The following XKR9 variants were observed in gnomAD, a reference collection of about 807,000 sequenced individuals.
XKR9 encodes XK-related protein 9.
Under a neutral mutation model 32.0 loss-of-function variants are expected in XKR9, and 32 were observed. That is an observed-to-expected ratio of 1.00 (90% CI 0.76 to 1.34). XKR9 has a LOEUF of 1.34. XKR9 is among the 40% of genes most tolerant of loss of function. XKR9 has a pLI of 0.00. For missense variants in XKR9, 546 were observed against 429.7 expected, an observed-to-expected ratio of 1.27 and a Z score of -2.39; for synonymous variants, 168 against 143.4, an observed-to-expected ratio of 1.17 and a Z score of -1.22.
At chr8:70,695,908 T>A (rs1313671751) in intron 3 of XKR9, among the ~76,000 whole-genome samples, 6 of 151,848 alleles carry the variant, frequency 4.0e-5, no homozygotes, top group Non-Finnish European at 5.9e-5. Flanking sequence ...TGGTTTTGAT[T>A]TGCATTTCTC....
chr8:70,962,573 G>A, the XKR9 span, among the ~76,000 whole-genome samples: 9 of 152,274 alleles, frequency 5.9e-5, no homozygotes, highest in South Asian at 1.2e-3. Flanking sequence ...ATTCCACGGT[G>A]TATACTTACC....
At chr8:71,009,738 A>T in the XKR9 span, among the ~76,000 whole-genome samples, 15 of 152,206 alleles carry the variant, frequency 9.9e-5, no homozygotes, top group African/African-American at 3.6e-4. Flanking sequence ...TGCCATTGAC[A>T]CTTCCCATTC....
chr8:70,740,948 G>A (rs533714254), intron 2 of XKR9, among the ~76,000 whole-genome samples: 38 of 152,200 alleles, frequency 2.5e-4, no homozygotes, highest in Non-Finnish European at 3.8e-4. Context: ...CAGTCTGCCC[G>A]TTCTGAGATC....
chr8:70,721,087 T>C (rs1806263807), intron 4 of XKR9, among the ~76,000 whole-genome samples: 1 of 152,212 alleles, frequency 6.6e-6, no homozygotes, highest in Non-Finnish European at 1.5e-5. Flanking sequence ...TTTATTTGCA[T>C]AGAGGTGTTT....
chr8:71,004,065 C>T, the XKR9 span, among the ~76,000 whole-genome samples: 3,279 of 152,132 alleles, frequency 0.022, 75 homozygotes, highest in East Asian at 0.076. Flanking sequence ...GCATGGCCCT[C>T]GAAGGAGGGT....
intron 4 of XKR9, among the ~76,000 whole-genome samples, chr8:70,710,078 G>A (rs1805859118): frequency 6.6e-6 from 1 of 152,070 alleles, no homozygotes; most frequent in South Asian, 2.1e-4. Flanking sequence ...GCATGATAGT[G>A]GTATAAAAAC....
the XKR9 span, among the ~76,000 whole-genome samples, chr8:70,874,964 C>A: frequency 6.6e-6 from 1 of 152,018 alleles, no homozygotes; most frequent in African/African-American, 2.4e-5. Context: ...GTCACATGCT[C>A]GTCCTTGGAA....
Position 70,680,913 on chromosome 8 carries a change from ATATT to A in XKR9, c.-141_-138del. 2 of 710,902 alleles carry A rather than the reference ATATT, an allele frequency of 2.8e-6. No homozygotes were observed. Among genetic ancestry groups the A allele is most frequent in the South Asian group, 4.9e-5 (2 of 40,456 alleles). The allele number at this position is 710,902 out of a possible 1,614,324, so 44.0% of individuals were successfully genotyped here. A position where few individuals can be genotyped will look rare whatever the true frequency, so the allele number is the denominator to read the frequency against. On this transcript the variant is annotated 5_prime_UTR_variant, in exon 3 of 5. Coordinates refer to ENST00000408926, the MANE Select transcript of XKR9 (RefSeq NM_001011720.2). ...TTAGTGTTAGTGTTCCCATTTCATA[ATATT>A]TATTCTTTCTTCTAAATAGATTTAG... is the stretch of plus-strand genomic sequence containing the variant.
Position 70,700,685 on chromosome 8 carries a change from G to A in XKR9, c.273-6248G>A, listed in dbSNP as rs574849692. On this transcript the variant is annotated intron_variant, in intron 3 of 4. Coordinates refer to ENST00000408926, the MANE Select transcript of XKR9 (RefSeq NM_001011720.2). ...TGCCCGTTCTGAGATCTCCAGCTGC[G>A]TGCTGGGAGAACCACTGCTCTCTTC... 1.8e-4 allele frequency among the ~76,000 whole-genome samples: 27 copies of A among 152,292 alleles called. No homozygotes were observed. The South Asian group carries it at 2.5e-3, about 14-fold the overall frequency.
chr8:70,900,896 A>T, the XKR9 span, among the ~76,000 whole-genome samples: 1 of 152,206 alleles, frequency 6.6e-6, no homozygotes, highest in Admixed American at 6.5e-5. Flanking sequence ...CCTATGAGTG[A>T]GAACATGTGG....
At chr8:71,003,179 T>A in the XKR9 span, among the ~76,000 whole-genome samples, 3 of 152,242 alleles carry the variant, frequency 2.0e-5, no homozygotes. Flanking sequence ...AAACTCTTTA[T>A]ACAGTTTTAT....
At chr8:70,791,188 G>A (rs1807759682), downstream of XKR9, among the ~76,000 whole-genome samples, 1 of 151,866 alleles carries the variant, frequency 6.6e-6, no homozygotes, top group African/African-American at 2.4e-5. Flanking sequence ...ATAAGAATGG[G>A]TCTTTTGGCC....
At chr8:70,971,427 C>G in the XKR9 span, among the ~76,000 whole-genome samples, 1 of 152,022 alleles carries the variant, frequency 6.6e-6, no homozygotes, top group South Asian at 2.1e-4. Context: ...GTTAACTCTA[C>G]TGATTATTTC....
chr8:70,828,720 CAAAAAAAAAG>C, the XKR9 span, among the ~76,000 whole-genome samples: 1 of 81,250 alleles, frequency 1.2e-5, no homozygotes, highest in South Asian at 4.2e-4. Context: ...GACTATGTCT[CAAAAAAAAAG>C]AAAAAAAAAA....
the XKR9 span, among the ~76,000 whole-genome samples, chr8:70,953,637 C>T: frequency 2.6e-5 from 4 of 152,166 alleles, no homozygotes; most frequent in African/African-American, 7.2e-5. Context: ...TATTTCCATT[C>T]CAGAAAACTA....
chr8:70,951,875 G>C, the XKR9 span, among the ~76,000 whole-genome samples: 41 of 92,174 alleles, frequency 4.4e-4, no homozygotes, highest in African/African-American at 1.5e-3. Flanking sequence ...ATTGGGGGGG[G>C]GGTGGTTCTC....
At chr8:70,825,391 A>G in the XKR9 span, among the ~76,000 whole-genome samples, 1 of 152,006 alleles carries the variant, frequency 6.6e-6, no homozygotes, top group African/African-American at 2.4e-5. Context: ...GTCTTCCTTC[A>G]TAGTTTTCTT....
At chr8:70,961,606 A>G in the XKR9 span, among the ~76,000 whole-genome samples, 1 of 152,236 alleles carries the variant, frequency 6.6e-6, no homozygotes, top group Admixed American at 6.5e-5. Flanking sequence ...AAAAATATCT[A>G]TATACATTTC....
chr8:70,741,060 C>G (rs949784828), intron 2 of XKR9, among the ~76,000 whole-genome samples: 2 of 152,254 alleles, frequency 1.3e-5, no homozygotes, highest in Non-Finnish European at 2.9e-5. Flanking sequence ...TGTCTGTGCC[C>G]TGCCCCCAGA....
Sources: allele counts gnomAD v4.1 joint callset (sites outside exome capture counted in the v4.1 genomes callset), GRCh38; gene constraint gnomAD v4.1.1; transcripts MANE v1.5; gene names NCBI Gene and HGNC (gene_info 2026-07-23, HGNC 2026-07-21).